RHOQ: variants seen among roughly 807,000 people sequenced by gnomAD.
The protein encoded by RHOQ is ras homolog family member Q.
RHOQ carries 7 observed loss-of-function variants against 25.8 expected under a neutral mutation model. The ratio of observed to expected loss-of-function variants is 0.27; its 90% CI spans 0.15 to 0.51. The LOEUF is 0.51. Ranked by LOEUF, RHOQ falls within the 20% of genes least tolerant of loss-of-function variation. RHOQ has a pLI of 0.97. For missense variants in RHOQ, 165 were observed against 260.6 expected (o/e 0.63, Z 2.53); for synonymous variants, 97 against 98.6 (o/e 0.98, Z 0.10).
At chr2:46,575,336 A>G (rs960050747) in intron 2 of RHOQ, among the ~76,000 whole-genome samples, 7 of 150,180 alleles carry the variant, frequency 4.7e-5, no homozygotes, top group Non-Finnish European at 8.9e-5. Flanking sequence ...AGTAGAGGGA[A>G]TGAAAGTTGG....
rs775866873 is a variant in RHOQ, at chr2:46,556,666, C to T, written c.201+12854C>T. ...TGAGGAACACAAAATTCCATCCGAT[C>T]GGGTTCTTCCCCCGTAGGAGTTTAC... is the stretch of plus-strand genomic sequence containing the variant. On this transcript the variant is annotated intron_variant, in intron 2 of 4. Coordinates refer to ENST00000238738, the MANE Select transcript of RHOQ (RefSeq NM_012249.4). This position sits in a 1 kb window ranked among gnomAD's most constrained non-coding sequence, Gnocchi z 4.9. Among the ~76,000 whole-genome samples the T allele has an allele frequency of 2.0e-5, 3 of 151,988 alleles. No individual in the cohort carries two copies. Among genetic ancestry groups the T allele is most frequent in the Non-Finnish European group, 4.4e-5 (3 of 68,016 alleles).
intron 2 of RHOQ, among the ~76,000 whole-genome samples, chr2:46,570,415 G>C (rs1219935972): frequency 6.6e-6 from 1 of 151,838 alleles, no homozygotes; most frequent in Non-Finnish European, 1.5e-5. Flanking sequence ...ACTCTAGTCT[G>C]GGCTATAAGA....
In RHOQ at chr2:46,555,343, G is replaced by A. The variant is rs772107702; in HGVS notation, c.201+11531G>A. Among the ~76,000 whole-genome samples the A allele has an allele frequency of 2.6e-5, 4 of 152,280 alleles. No individual in the cohort carries two copies. Among genetic ancestry groups the A allele is most frequent in the South Asian group, 4.1e-4 (2 of 4,824 alleles). ...CAGATTGTAAACTCTTCCCCTTGCCGTCCCTGCAGGACTGCACGTAGCACA... is the reference window on the plus strand; with the variant it reads ...CAGATTGTAAACTCTTCCCCTTGCCATCCCTGCAGGACTGCACGTAGCACA... On this transcript the variant is annotated intron_variant, in intron 2 of 4. Coordinates refer to ENST00000238738, the MANE Select transcript of RHOQ (RefSeq NM_012249.4). This position sits in a 1 kb window ranked among gnomAD's most constrained non-coding sequence, Gnocchi z 4.3.
intron 2 of RHOQ, among the ~76,000 whole-genome samples, chr2:46,549,862 TTCTC>T (rs1668187366): frequency 1.3e-5 from 2 of 152,204 alleles, no homozygotes; most frequent in East Asian, 1.9e-4. Context: ...AACAGTGTCT[TTCTC>T]TACCATGTTG....
At chr2:46,547,733 C>T (rs1668116775) in intron 2 of RHOQ, among the ~76,000 whole-genome samples, 1 of 152,216 alleles carries the variant, frequency 6.6e-6, no homozygotes, top group African/African-American at 2.4e-5. Context: ...GCCCAGCCTT[C>T]AGGACTTCAG....
chr2:46,559,694 C>T (rs923100495), intron 2 of RHOQ, among the ~76,000 whole-genome samples: 2 of 152,194 alleles, frequency 1.3e-5, no homozygotes, highest in African/African-American at 4.8e-5. Context: ...TGGGGCAACA[C>T]CAGTCCTCAC....
rs770095456 is a variant in RHOQ at position 46,576,514 on chromosome 2, T to G, written c.367-47T>G. 1.6e-6 allele frequency: 2 copies of G among 1,217,890 alleles called. No individual in the cohort carries two copies. The highest frequency in any genetic ancestry group is 2.2e-5 in the Admixed American group (1 of 45,048). The allele number at this position is 1,217,890 out of a possible 1,614,324, so 75.4% of individuals were successfully genotyped here. On this transcript the variant is annotated intron_variant, in intron 3 of 4. Transcript: ENST00000238738. This position sits in a 1 kb window ranked among gnomAD's most constrained non-coding sequence, Gnocchi z 5.1. ...TGGGATTACATGCTTTGATTTTTCTTTAAAGATTTGTAATATTATGGGACA... is the reference window on the plus strand; with the variant it reads ...TGGGATTACATGCTTTGATTTTTCTGTAAAGATTTGTAATATTATGGGACA...
At chr2:46,571,308 TA>T (rs1307024891) in intron 2 of RHOQ, among the ~76,000 whole-genome samples, 2 of 152,228 alleles carry the variant, frequency 1.3e-5, no homozygotes, top group African/African-American at 4.8e-5. Flanking sequence ...TCTTGGGTGC[TA>T]ACCTGATGCA....
At position 46,555,992 on chromosome 2, in the gene RHOQ, G is replaced by A. The variant is rs1405012393; in HGVS notation, c.201+12180G>A. 6.6e-6 allele frequency among the ~76,000 whole-genome samples: 1 copy of A among 151,822 alleles called. No homozygotes were observed. The highest frequency in any genetic ancestry group is 1.5e-5 in the Non-Finnish European group (1 of 67,988). Reference sequence around the variant, plus strand: ...TCCTCTTTCCTTTGTTTTATTTTTTGAGGCATAATTCAGAGAACACTTTCA... The same window carrying A: ...TCCTCTTTCCTTTGTTTTATTTTTTAAGGCATAATTCAGAGAACACTTTCA... On this transcript the variant is annotated intron_variant, in intron 2 of 4. Transcript: ENST00000238738. This position sits in a 1 kb window ranked among gnomAD's most constrained non-coding sequence, Gnocchi z 4.3.
At chr2:46,551,956 A>G (rs992942482) in intron 2 of RHOQ, among the ~76,000 whole-genome samples, 2 of 152,156 alleles carry the variant, frequency 1.3e-5, no homozygotes, top group African/African-American at 2.4e-5. Flanking sequence ...ACGGTTGGTA[A>G]AAGGCAAAGC....
In RHOQ at chr2:46,543,849, G is replaced by A. The variant is rs781043728; in HGVS notation, c.201+37G>A. The A allele has an allele frequency of 1.1e-5, 17 of 1,587,548 alleles. No individual in the cohort carries two copies. In the Middle Eastern group the frequency reaches 6.7e-4, roughly 62 times the overall value. ...GGCCTCTGGCCGACGCCCCCCTCCT[G>A]TTCCCCAGTTCTTTGTGGCTGCGAA... is the stretch of plus-strand genomic sequence containing the variant. On this transcript the variant is annotated intron_variant, in intron 2 of 4. Transcript: ENST00000238738.
rs187115163 is a variant in RHOQ at position 46,572,927 on chromosome 2, G to A, written c.202-3160G>A. The A allele has an allele frequency of 2.1e-4, 71 of 336,812 alleles. 2 individuals are homozygous for A. Among genetic ancestry groups the A allele is most frequent in the South Asian group, 1.5e-3 (64 of 41,516 alleles). 20.9% of individuals were successfully genotyped at this position (336,812 alleles called of 1,614,324 possible). A position where few individuals can be genotyped will look rare whatever the true frequency, so the allele number is the denominator to read the frequency against. ...ATTAAATTCACACAGGATACTATGT[G>A]ATGCATATGAACCATTTTATATGAT... On this transcript the variant is annotated intron_variant, in intron 2 of 4. Coordinates refer to ENST00000238738, the MANE Select transcript of RHOQ (RefSeq NM_012249.4).
At chr2:46,554,373 A>C (rs888532919) in intron 2 of RHOQ, among the ~76,000 whole-genome samples, 20 of 152,330 alleles carry the variant, frequency 1.3e-4, no homozygotes, top group African/African-American at 4.8e-4. Flanking sequence ...TATGTGGCCT[A>C]GGGCTGTGCG....
At chr2:46,551,576 G>GT (rs1668243158) in intron 2 of RHOQ, among the ~76,000 whole-genome samples, 1 of 152,188 alleles carries the variant, frequency 6.6e-6, no homozygotes, top group African/African-American at 2.4e-5. Context: ...TTTTCACCTG[G>GT]TGACTGACAA....
chr2:46,542,951 G>A lies in RHOQ; in HGVS notation c.-96G>A. On this transcript the variant is annotated 5_prime_UTR_variant, in exon 1 of 5. Coordinates refer to ENST00000238738, the MANE Select transcript of RHOQ (RefSeq NM_012249.4). ...GGCGGCCCTGCGGCGCGGAGCGGCG[G>A]CGACGGCGGCGGACCCCCCAGGCGG... is the stretch of plus-strand genomic sequence containing the variant. The A allele has an allele frequency of 1.3e-6, 1 of 747,244 alleles. No homozygotes were observed. Among genetic ancestry groups the A allele is most frequent in the Non-Finnish European group, 1.7e-6 (1 of 589,622 alleles). The allele number at this position is 747,244 out of a possible 1,614,324, so 46.3% of individuals were successfully genotyped here. A position where few individuals can be genotyped will look rare whatever the true frequency, so the allele number is the denominator to read the frequency against.
At chr2:46,564,863 TC>T (rs1668683042) in intron 2 of RHOQ, among the ~76,000 whole-genome samples, 1 of 152,196 alleles carries the variant, frequency 6.6e-6, no homozygotes, top group Non-Finnish European at 1.5e-5. Context: ...CCATAGCTAG[TC>T]CTGGAGATAA....
rs1417308586 is a variant in RHOQ, at chr2:46,543,202, C to G, written c.142+14C>G. On this transcript the variant is annotated intron_variant, in intron 1 of 4. Transcript: ENST00000238738. ...ACCACTACGCAGGTAAGCCTCGGAA[C>G]TGCTGACTAAGGGGCCGCTCCCCGG... The G allele has an allele frequency of 6.2e-7, 1 of 1,611,338 alleles. No homozygotes were observed. Among genetic ancestry groups the G allele is most frequent in the Non-Finnish European group, 8.5e-7 (1 of 1,179,006 alleles).
In RHOQ at chr2:46,556,295, G is replaced by A. The variant is rs974317349; in HGVS notation, c.201+12483G>A. On this transcript the variant is annotated intron_variant, in intron 2 of 4. Transcript: ENST00000238738. The surrounding 1 kb of genome is among the most constrained non-coding windows in gnomAD (Gnocchi z 4.9). ...CTCTTTCCATTTTATTCCTGCCCCC[G>A]CTCTTTTTCAGTTGTTCTTCCATGG... Among the ~76,000 whole-genome samples, 12 of 151,656 alleles carry A rather than the reference G, an allele frequency of 7.9e-5. No homozygotes were observed. The highest frequency in any genetic ancestry group is 1.9e-4 in the African/African-American group (8 of 41,212).
At chr2:46,550,368 C>T (rs990924179) in intron 2 of RHOQ, among the ~76,000 whole-genome samples, 1 of 152,210 alleles carries the variant, frequency 6.6e-6, no homozygotes, top group Non-Finnish European at 1.5e-5. Context: ...GAAAGCTTCA[C>T]TAATACAGTA....
Sources: gnomAD v4.1 joint callset for allele counts (sites outside exome capture counted in the v4.1 genomes callset) on GRCh38, gnomAD v4.1.1 for gene constraint, Gnocchi (gnomAD v3.1) non-coding constraint, MANE v1.5 for transcripts, NCBI Gene and HGNC (gene_info 2026-07-23, HGNC 2026-07-21) for gene names.